The following CHN2 variants were observed in gnomAD, a reference collection of about 807,000 sequenced individuals.
CHN2 encodes the protein beta-chimaerin.
Under a neutral mutation model 56.3 loss-of-function variants are expected in CHN2, and 35 were observed. That is an observed-to-expected ratio of 0.62 (90% CI 0.47 to 0.82). The LOEUF (loss-of-function observed/expected upper bound fraction) is 0.82. Among genes scored for constraint, CHN2 ranks in the 40% least tolerant of loss-of-function variants. The probability of loss-of-function intolerance (pLI) is 0.00; values close to 1 mark genes in which losing one functional copy is unlikely to be tolerated. For missense variants in CHN2, 491 were observed against 580.5 expected, an observed-to-expected ratio of 0.85 and a Z score of 1.58; for synonymous variants, 210 against 212.8, an observed-to-expected ratio of 0.99 and a Z score of 0.12.
intron 7 of CHN2, among the ~76,000 whole-genome samples, chr7:29,488,607 T>C (rs1254761974): frequency 1.3e-5 from 2 of 152,228 alleles, no homozygotes; most frequent in Non-Finnish European, 2.9e-5. Flanking sequence ...TGATTTTTAA[T>C]ATGAATAATA....
chr7:29,418,861 G>A (rs956203257), intron 6 of CHN2, among the ~76,000 whole-genome samples: 10 of 152,188 alleles, frequency 6.6e-5, no homozygotes, highest in African/African-American at 2.4e-4. Context: ...CACAGGATGT[G>A]TCAATTAGCA....
intron 1 of CHN2, among the ~76,000 whole-genome samples, chr7:29,250,136 T>C (rs1788381773): frequency 6.6e-6 from 1 of 152,216 alleles, no homozygotes; most frequent in Admixed American, 6.5e-5. Context: ...AGATTTCTAT[T>C]AACAGGCATA....
intron 6 of CHN2, among the ~76,000 whole-genome samples, chr7:29,426,206 CAAA>C (rs10630481): frequency 2.4e-5 from 2 of 83,900 alleles, no homozygotes; most frequent in Non-Finnish European, 4.7e-5. Context: ...GACTCTGTCT[CAAA>C]AAAAAAAAAA....
intron 6 of CHN2, among the ~76,000 whole-genome samples, chr7:29,447,136 C>A (rs757954033): frequency 6.6e-5 from 10 of 152,104 alleles, no homozygotes; most frequent in Non-Finnish European, 1.0e-4. Flanking sequence ...AGAAAAACAT[C>A]ATCTATGAGG....
At chr7:29,324,286 T>C (rs1327223552) in intron 1 of CHN2, among the ~76,000 whole-genome samples, 1 of 152,212 alleles carries the variant, frequency 6.6e-6, no homozygotes, top group Non-Finnish European at 1.5e-5. Context: ...ACCTGCACCT[T>C]AGCAGCACGC....
At chr7:29,478,549 G>A (rs1379183821) in intron 6 of CHN2, among the ~76,000 whole-genome samples, 6 of 152,186 alleles carry the variant, frequency 3.9e-5, no homozygotes, top group Admixed American at 1.3e-4. Context: ...TGGGTGTACC[G>A]AGGCAGCAGG....
intron 1 of CHN2, among the ~76,000 whole-genome samples, chr7:29,318,846 A>G (rs1287968974): frequency 6.6e-6 from 1 of 152,186 alleles, no homozygotes; most frequent in Non-Finnish European, 1.5e-5. Flanking sequence ...GAAGAATCTC[A>G]TCTTCCCATG....
chr7:29,214,282 C>T (rs967128400), intron 1 of CHN2, among the ~76,000 whole-genome samples: 1 of 152,152 alleles, frequency 6.6e-6, no homozygotes, highest in Non-Finnish European at 1.5e-5. Flanking sequence ...GTTACTGGCA[C>T]CCAGCAGCAT....
intron 1 of CHN2, among the ~76,000 whole-genome samples, chr7:29,265,027 T>C (rs1450009559): frequency 2.0e-5 from 3 of 152,132 alleles, no homozygotes; most frequent in Admixed American, 6.5e-5. Flanking sequence ...GTAGAAAGTA[T>C]CCATTGTGGA....
chr7:29,166,442 A>G (rs576742079), intron 2 of CHN2, among the ~76,000 whole-genome samples: 98 of 152,072 alleles, frequency 6.4e-4, no homozygotes, highest in African/African-American at 2.4e-3. Context: ...TCTTGGCTTG[A>G]TGTGTTTTCT....
chr7:29,377,971 G>A (rs1026441190), intron 3 of CHN2, among the ~76,000 whole-genome samples: 3 of 152,274 alleles, frequency 2.0e-5, no homozygotes, highest in South Asian at 2.1e-4. Flanking sequence ...CGTCCTTCTA[G>A]GTAATTACAC....
chr7:29,263,368 C>T (rs10262978), intron 1 of CHN2, among the ~76,000 whole-genome samples: 49,142 of 152,106 alleles, frequency 0.32, 9,182 homozygotes, highest in East Asian at 0.69. Context: ...GGCGTGATCT[C>T]GGATCGCTAC....
intron 1 of CHN2, among the ~76,000 whole-genome samples, chr7:29,249,273 G>A (rs571551736): frequency 1.3e-5 from 2 of 152,320 alleles, no homozygotes; most frequent in East Asian, 1.9e-4. Flanking sequence ...GAGAACCGGC[G>A]GGGCTGCTGG....
At chr7:29,309,558 G>A (rs1482836871) in intron 1 of CHN2, among the ~76,000 whole-genome samples, 2 of 152,162 alleles carry the variant, frequency 1.3e-5, no homozygotes, top group African/African-American at 4.8e-5. Context: ...CATTGTCATT[G>A]TCCTTTCTGG....
chr7:29,479,013 T>G (rs1207968543), intron 6 of CHN2, among the ~76,000 whole-genome samples: 2 of 152,160 alleles, frequency 1.3e-5, no homozygotes, highest in African/African-American at 4.8e-5. Context: ...GGACTGCCCA[T>G]CTACATAAAG....
Position 29,194,987 on chromosome 7 carries a change from T to C in CHN2, c.46T>C (p.Ser16Pro), listed in dbSNP as rs140466343. The part of the protein sequence containing the change: ...NSSLSGSSVS[S>P]DAEEYQPPIW... ...CAGCCTGTCCGGCTCGTCGGTGTCC[T>C]CCGGTGAGTTTCAGCCCGTCGGGCG... The change falls in exon 1 of 13, where the codon TCC becomes CCC. Residue 16 changes from serine (S) to proline (P), a missense_variant. By Grantham distance (74) the Ser-to-Pro change is moderately conservative. Coordinates refer to ENST00000222792, the MANE Select transcript of CHN2 (RefSeq NM_004067.4). 3.8e-6 allele frequency: 6 copies of C among 1,586,860 alleles called. No homozygotes were observed. The highest frequency in any genetic ancestry group is 5.1e-6 in the Non-Finnish European group (6 of 1,169,204).
At chr7:29,254,449 T>C (rs1180032908) in intron 1 of CHN2, among the ~76,000 whole-genome samples, 1 of 152,184 alleles carries the variant, frequency 6.6e-6, no homozygotes, top group Non-Finnish European at 1.5e-5. Flanking sequence ...TCTGTAACAA[T>C]GAGGAGGAGA....
intron 6 of CHN2, among the ~76,000 whole-genome samples, chr7:29,433,921 G>A (rs1230161780): frequency 6.6e-6 from 1 of 151,480 alleles, no homozygotes; most frequent in Non-Finnish European, 1.5e-5. Context: ...GAAGGAGGGA[G>A]GGAGAGAGGC....
chr7:29,398,002 T>C (rs1177409240), intron 4 of CHN2: 1 of 167,250 alleles, frequency 6.0e-6, no homozygotes, highest in East Asian at 1.7e-4. Context: ...CATAGTTCTC[T>C]GAGCTGAGAG....
Sources: gnomAD v4.1 joint callset for allele counts (sites outside exome capture counted in the v4.1 genomes callset) on GRCh38, gnomAD v4.1.1 for gene constraint, MANE v1.5 for transcripts, NCBI Gene and HGNC (gene_info 2026-07-23, HGNC 2026-07-21) for gene names.